The following VPS53 variants were observed in gnomAD, a reference collection of about 807,000 sequenced individuals.
The protein encoded by VPS53 is vacuolar protein sorting-associated protein 53 homolog.
A neutral mutation model predicts 107.0 loss-of-function variants in VPS53; 70 were observed. The ratio of observed to expected loss-of-function variants is 0.65; its 90% CI spans 0.54 to 0.80. The LOEUF (loss-of-function observed/expected upper bound fraction) is 0.80, where lower values mean the gene tolerates loss of function less well. Among genes scored for constraint, VPS53 ranks in the 30% least tolerant of loss-of-function variants. VPS53 has a pLI of 0.00. For synonymous variants in VPS53, 409 were observed against 393.3 expected (o/e 1.04, Z -0.47); for missense variants, 917 against 1,049.4 (o/e 0.87, Z 1.74).
chr17:663,649 T>C (rs997823620), intron 4 of VPS53, among the ~76,000 whole-genome samples: 1 of 152,202 alleles, frequency 6.6e-6, no homozygotes, highest in Non-Finnish European at 1.5e-5. Context: ...CGGATGTGTA[T>C]AGACCACATG....
intron 11 of VPS53, among the ~76,000 whole-genome samples, chr17:619,716 G>A (rs12604084): frequency 2.1e-5 from 2 of 95,308 alleles, no homozygotes. Context: ...GACTACAGGC[G>A]TGTACCACCA....
At chr17:605,663 G>C (rs1319493739) in intron 11 of VPS53, among the ~76,000 whole-genome samples, 2 of 127,396 alleles carry the variant, frequency 1.6e-5, no homozygotes, top group Admixed American at 7.7e-5. Flanking sequence ...GGGACAGAAA[G>C]GAAGATGGGG....
chr17:714,819 GGCTCCGTCAGCC>G lies in VPS53; in HGVS notation c.-122_-111del, dbSNP rs1973793045. The stretch of plus-strand genomic sequence containing the variant: ...CTCGCGGCAGCGACCTGGTGAGCCC[GGCTCCGTCAGCC>G]GCTCTGTCAGCCGCTCCGGCACTTC... On this transcript the variant is annotated 5_prime_UTR_variant, in exon 1 of 22. Coordinates refer to ENST00000437048, the MANE Select transcript of VPS53 (RefSeq NM_001128159.3). 8.1e-7 allele frequency: 1 copy of G among 1,229,368 alleles called. No individual in the cohort carries two copies. The highest frequency in any genetic ancestry group is 1.2e-6 in the Non-Finnish European group (1 of 847,436). 76.2% of individuals were successfully genotyped at this position (1,229,368 alleles called of 1,614,324 possible).
chr17:610,949 A>G (rs1968843341), intron 11 of VPS53, among the ~76,000 whole-genome samples: 2 of 151,938 alleles, frequency 1.3e-5, no homozygotes, highest in African/African-American at 4.8e-5. Flanking sequence ...AGAAAAAAAA[A>G]AAAAAGTTAT....
chr17:685,502 G>T (rs1270960422), intron 4 of VPS53, among the ~76,000 whole-genome samples: 1 of 152,036 alleles, frequency 6.6e-6, no homozygotes, highest in African/African-American at 2.4e-5. Flanking sequence ...TATAAAATAG[G>T]CTCGGTGTTA....
chr17:624,258 A>G (rs1181784573), intron 10 of VPS53, among the ~76,000 whole-genome samples: 4 of 152,198 alleles, frequency 2.6e-5, no homozygotes, highest in Non-Finnish European at 4.4e-5. Flanking sequence ...TAGCCTATAT[A>G]ATTTCACAAG....
chr17:558,027 CTT>C (rs1416164518), intron 15 of VPS53, among the ~76,000 whole-genome samples: 1 of 152,016 alleles, frequency 6.6e-6, no homozygotes, highest in African/African-American at 2.4e-5. Context: ...ACTCAACTAA[CTT>C]TTAAATTTTT....
intron 4 of VPS53, among the ~76,000 whole-genome samples, chr17:679,098 G>A (rs1972286042): frequency 1.3e-5 from 2 of 152,184 alleles, no homozygotes; most frequent in African/African-American, 4.8e-5. Flanking sequence ...GTAATGAACT[G>A]AAACAGGAAA....
At chr17:534,713 T>C (rs930832785) in intron 18 of VPS53, among the ~76,000 whole-genome samples, 1 of 151,854 alleles carries the variant, frequency 6.6e-6, no homozygotes, top group Admixed American at 6.6e-5. Flanking sequence ...AGCCCAGGAG[T>C]TTGAGACCAG....
chr17:596,445 T>A (rs542039621), intron 12 of VPS53, among the ~76,000 whole-genome samples: 1 of 152,136 alleles, frequency 6.6e-6, no homozygotes, highest in African/African-American at 2.4e-5. Flanking sequence ...GAAAGCTGCA[T>A]GACCAGGCAG....
rs750311734 is a variant in VPS53, at chr17:512,252, A to G, written c.*6876T>C. 1 of 152,194 alleles carries G rather than the reference A, an allele frequency of 6.6e-6. No homozygotes were observed. Among genetic ancestry groups the G allele is most frequent in the African/African-American group, 2.4e-5 (1 of 41,456 alleles). The allele number at this position is 152,194 out of a possible 1,614,324, so 9.4% of individuals were successfully genotyped here. A position where few individuals can be genotyped will look rare whatever the true frequency, so the allele number is the denominator to read the frequency against. ...ACAAGTGATCACGAACACACTTCAC[A>G]CTGCCTTATGGCAGAGCAAGTGCAT... On this transcript the variant is annotated 3_prime_UTR_variant, in exon 22 of 22. Coordinates refer to ENST00000437048, the MANE Select transcript of VPS53 (RefSeq NM_001128159.3).
intron 7 of VPS53, among the ~76,000 whole-genome samples, chr17:642,539 C>A (rs992422169): frequency 6.7e-6 from 1 of 150,102 alleles, no homozygotes; most frequent in African/African-American, 2.5e-5. Context: ...AAAGCGAGGA[C>A]AACACTCATA....
At chr17:578,301 G>A (rs368603626) in intron 13 of VPS53, among the ~76,000 whole-genome samples, 28 of 148,572 alleles carry the variant, frequency 1.9e-4, no homozygotes, top group Non-Finnish European at 4.0e-4. Flanking sequence ...AACCTAATGC[G>A]TTCCCAGAGA....
intron 1 of VPS53, among the ~76,000 whole-genome samples, chr17:712,982 A>G (rs1973698487): frequency 6.6e-6 from 1 of 152,174 alleles, no homozygotes; most frequent in Admixed American, 6.5e-5. Context: ...CTTCCTGCCC[A>G]ATGGTTTGGC....
intron 3 of VPS53, 86 bp from the exon 4 acceptor site, chr17:697,570 C>A: frequency 8.8e-7 from 1 of 1,137,078 alleles, no homozygotes. Flanking sequence ...GTAATTTATT[C>A]ATCAACTTCT....
chr17:610,166 CACACACACACACAA>C (rs1968794507), intron 11 of VPS53, among the ~76,000 whole-genome samples: 1 of 128,162 alleles, frequency 7.8e-6, no homozygotes, highest in Non-Finnish European at 1.7e-5. Context: ...CACACACACA[CACACACACACACAA>C]ATTAGTAGAC....
chr17:521,254 A>T (rs1908727347), intron 20 of VPS53, among the ~76,000 whole-genome samples: 1 of 152,230 alleles, frequency 6.6e-6, no homozygotes, highest in East Asian at 1.9e-4. Flanking sequence ...GCTGATGTGG[A>T]AGGGAGTAAC....
rs146779535 is a variant in VPS53 at position 610,526 on chromosome 17, C to T, written c.1117-8630G>A. 9.5e-3 allele frequency among the ~76,000 whole-genome samples: 1,443 copies of T among 152,108 alleles called. 16 individuals carry two copies. The highest frequency in any genetic ancestry group is 0.015 in the Non-Finnish European group (1,036 of 67,990). On this transcript the variant is annotated intron_variant, in intron 11 of 21. Transcript: ENST00000437048. Reference sequence around the variant, plus strand: ...CAAGAACAAAAAACCTTCATTAAAACGGAAATCCTGTGAAATGACTATCAA... The same window carrying T: ...CAAGAACAAAAAACCTTCATTAAAATGGAAATCCTGTGAAATGACTATCAA...
At chr17:680,255 C>T (rs1431567368) in intron 4 of VPS53, among the ~76,000 whole-genome samples, 1 of 152,204 alleles carries the variant, frequency 6.6e-6, no homozygotes, top group Non-Finnish European at 1.5e-5. Context: ...GATCGCACTA[C>T]TGCACTCCAG....
Sources: allele counts gnomAD v4.1 joint callset (sites outside exome capture counted in the v4.1 genomes callset), GRCh38; gene constraint gnomAD v4.1.1; transcripts MANE v1.5; gene names NCBI Gene and HGNC (gene_info 2026-07-23, HGNC 2026-07-21).